SYNPR: variants seen among roughly 807,000 people sequenced by gnomAD.
SYNPR encodes synaptoporin.
SYNPR carries 23 observed loss-of-function variants against 32.9 expected under a neutral mutation model. That is an observed-to-expected ratio of 0.70 (90% confidence interval 0.50 to 0.99). The LOEUF (loss-of-function observed/expected upper bound fraction) is 0.99. Ranked by LOEUF, SYNPR falls within the 50% of genes least tolerant of loss-of-function variation. The probability of loss-of-function intolerance (pLI) is 0.00; values close to 1 mark genes in which losing one functional copy is unlikely to be tolerated. For synonymous variants in SYNPR, 146 were observed against 135.9 expected, an observed-to-expected ratio of 1.07 and a Z score of -0.52; for missense variants, 318 against 349.3, an observed-to-expected ratio of 0.91 and a Z score of 0.71.
chr3:63,219,495 A>G, the SYNPR span, among the ~76,000 whole-genome samples: 1 of 152,216 alleles, frequency 6.6e-6, no homozygotes, highest in Non-Finnish European at 1.5e-5. Flanking sequence ...CCTTTTAACA[A>G]AATGGAGTTA....
chr3:63,508,602 G>A (rs1701634886), intron 3 of SYNPR, among the ~76,000 whole-genome samples: 1 of 152,134 alleles, frequency 6.6e-6, no homozygotes, highest in South Asian at 2.1e-4. Flanking sequence ...AGAGCAGAAA[G>A]TGACTTCCTC....
At chr3:63,449,485 T>A (rs182995339) in intron 2 of SYNPR, among the ~76,000 whole-genome samples, 1 of 152,288 alleles carries the variant, frequency 6.6e-6, no homozygotes, top group African/African-American at 2.4e-5. Context: ...CCCTGCCTTC[T>A]ACCCACTATG....
intron 2 of SYNPR, among the ~76,000 whole-genome samples, chr3:63,390,890 G>A (rs1315449474): frequency 6.6e-6 from 1 of 152,040 alleles, no homozygotes; most frequent in Non-Finnish European, 1.5e-5. Flanking sequence ...AGCCCTCCGC[G>A]CTCTTCTTTG....
chr3:63,388,900 GA>G (rs1373354960), intron 2 of SYNPR, among the ~76,000 whole-genome samples: 5 of 151,982 alleles, frequency 3.3e-5, no homozygotes, highest in Non-Finnish European at 7.4e-5. Flanking sequence ...CCATAAACAG[GA>G]AAAAAATGAG....
chr3:63,610,213 C>G (rs1700180245), intron 5 of SYNPR, among the ~76,000 whole-genome samples: 2 of 152,124 alleles, frequency 1.3e-5, no homozygotes, highest in Non-Finnish European at 2.9e-5. Context: ...ATGTTATCAT[C>G]AAGAGTTATG....
chr3:63,540,664 A>G (rs1461711883), intron 3 of SYNPR, among the ~76,000 whole-genome samples: 1 of 152,070 alleles, frequency 6.6e-6, no homozygotes. Context: ...GCTATGCAGT[A>G]AGGCATATAC....
chr3:63,270,158 C>G (rs1350259690), intron 3 of SYNPR, among the ~76,000 whole-genome samples: 2 of 152,086 alleles, frequency 1.3e-5, no homozygotes, highest in Non-Finnish European at 2.9e-5. Flanking sequence ...CTAAAGTACT[C>G]TCGGAACCAA....
At chr3:63,322,187 G>T (rs922118424) in intron 2 of SYNPR, among the ~76,000 whole-genome samples, 1 of 152,002 alleles carries the variant, frequency 6.6e-6, no homozygotes, top group Non-Finnish European at 1.5e-5. Context: ...AGTGCCTACA[G>T]GAATATAGAG....
chr3:63,566,761 G>A lies in SYNPR; in HGVS notation c.408+10020G>A, dbSNP rs964062027. ...TCATCTATCAAATGAAGAGACTAAC[G>A]TTTCCTAATTTATAAAGTAGTTGGT... On this transcript the variant is annotated intron_variant, in intron 4 of 5. Coordinates refer to ENST00000478300, the MANE Select transcript of SYNPR (RefSeq NM_001130003.2). 6.6e-5 allele frequency among the ~76,000 whole-genome samples: 10 copies of A among 152,198 alleles called. 1 individual carries two copies. The highest frequency in any genetic ancestry group is 5.2e-4 in the Admixed American group (8 of 15,296).
chr3:63,615,384 C>A lies in SYNPR; in HGVS notation c.761C>A (p.Ser254Ter). The change falls in exon 6 of 6, where the codon TCA (serine) becomes TAA (stop). Residue 254 changes from serine (S) to a stop codon, truncating the protein, a stop_gained. Coordinates refer to ENST00000478300, the MANE Select transcript of SYNPR (RefSeq NM_001130003.2). LOFTEE classifies it high-confidence loss of function. ...GGTTACAACCAAGACAGCTATGGAT[C>A]AAGCAGTGGGTACAGTCAGCAGGCG... The part of the protein sequence containing the change: ...QGGYNQDSYG[S>*]SSGYSQQASL... 1 of 1,613,930 alleles carries A rather than the reference C, an allele frequency of 6.2e-7. No individual in the cohort carries two copies. Among genetic ancestry groups the A allele is most frequent in the Non-Finnish European group, 8.5e-7 (1 of 1,179,870 alleles).
chr3:63,255,078 C>A (rs992971013), intron 2 of SYNPR, among the ~76,000 whole-genome samples: 3 of 152,222 alleles, frequency 2.0e-5, no homozygotes, highest in South Asian at 4.1e-4. Context: ...TTATGGCAGC[C>A]CTTGTTGGTT....
At chr3:63,205,361 C>T in the SYNPR span, among the ~76,000 whole-genome samples, 1 of 152,206 alleles carries the variant, frequency 6.6e-6, no homozygotes, top group African/African-American at 2.4e-5. Context: ...GATGTCCCTA[C>T]CTGTCCAAAA....
At chr3:63,453,565 G>A (rs1010262903) in intron 2 of SYNPR, among the ~76,000 whole-genome samples, 11 of 152,126 alleles carry the variant, frequency 7.2e-5, no homozygotes, top group Non-Finnish European at 1.5e-4. Flanking sequence ...CTGGGATAAG[G>A]ATGCAATAAA....
chr3:63,311,403 A>T lies in SYNPR; in HGVS notation c.84+32661A>T, dbSNP rs571709246. On this transcript the variant is annotated intron_variant, in intron 2 of 5. Transcript: ENST00000478300. ...AGATAATGTAGAGCAGGGGTCCCCA[A>T]CCCCCGGGCCAAAGACCACTATGAG... Among the ~76,000 whole-genome samples the T allele has an allele frequency of 5.3e-5, 8 of 151,944 alleles. No homozygotes were observed. The East Asian group carries it at 9.8e-4, about 19-fold the overall frequency.
At chr3:63,379,497 G>T (rs972996023) in intron 2 of SYNPR, among the ~76,000 whole-genome samples, 1 of 152,014 alleles carries the variant, frequency 6.6e-6, no homozygotes, top group African/African-American at 2.4e-5. Context: ...GAAGTTTGTA[G>T]CTCTGTTTTT....
At chr3:63,539,413 A>C (rs1009820901) in intron 3 of SYNPR, among the ~76,000 whole-genome samples, 1 of 152,136 alleles carries the variant, frequency 6.6e-6, no homozygotes, top group Non-Finnish European at 1.5e-5. Context: ...CAAATAGAAA[A>C]TTAATCTCAT....
chr3:63,357,533 C>T (rs541721350), intron 2 of SYNPR, among the ~76,000 whole-genome samples: 40 of 152,146 alleles, frequency 2.6e-4, no homozygotes, highest in African/African-American at 9.4e-4. Context: ...CACTGAGTTC[C>T]TTCTTTTAAC....
chr3:63,501,063 TA>T (rs369261612), intron 3 of SYNPR, among the ~76,000 whole-genome samples: 2 of 151,298 alleles, frequency 1.3e-5, no homozygotes, highest in East Asian at 1.9e-4. Flanking sequence ...TGGCAAATTG[TA>T]AAAAAAAATA....
intron 2 of SYNPR, among the ~76,000 whole-genome samples, chr3:63,413,391 C>T (rs899046710): frequency 3.3e-5 from 5 of 152,064 alleles, no homozygotes; most frequent in Non-Finnish European, 5.9e-5. Context: ...AGTTAAGATT[C>T]GTTTGGTCTT....
Sources: gnomAD v4.1 joint callset for allele counts (sites outside exome capture counted in the v4.1 genomes callset) on GRCh38, gnomAD v4.1.1 for gene constraint, MANE v1.5 for transcripts, NCBI Gene and HGNC (gene_info 2026-07-23, HGNC 2026-07-21) for gene names.